ANOS1: variants seen among roughly 807,000 people sequenced by gnomAD.
ANOS1 encodes anosmin 1, also known as anosmin-1.
ANOS1 carries 6 observed loss-of-function variants against 59.0 expected under a neutral mutation model. The observed-to-expected ratio is 0.10, with a 90% confidence interval of 0.06 to 0.20. The LOEUF (loss-of-function observed/expected upper bound fraction) is 0.20, where lower values mean the gene tolerates loss of function less well. Among genes scored for constraint, ANOS1 ranks in the 10% least tolerant of loss-of-function variants. The probability of loss-of-function intolerance (pLI) is 1.00; values close to 1 mark genes in which losing one functional copy is unlikely to be tolerated. For missense variants in ANOS1, 433 were observed against 542.3 expected, an observed-to-expected ratio of 0.80 and a Z score of 2.00; for synonymous variants, 217 against 223.4, an observed-to-expected ratio of 0.97 and a Z score of 0.25.
At chrX:8,583,777 G>A (rs1930464358) in intron 6 of ANOS1, among the ~76,000 whole-genome samples, 1 of 112,201 alleles carries the variant, frequency 8.9e-6, no homozygotes, top group Admixed American at 9.4e-5. Flanking sequence ...AACTGCAATA[G>A]TTGCATTTTC....
intron 3 of ANOS1, among the ~76,000 whole-genome samples, chrX:8,619,070 C>CAGAA (rs1931228037): frequency 2.3e-5 from 1 of 43,976 alleles, no homozygotes; most frequent in Non-Finnish European, 4.0e-5. Context: ...AAACCTCTCT[C>CAGAA]AAAAAAAAAA....
At chrX:8,577,148 T>C (rs770626750) in intron 6 of ANOS1, among the ~76,000 whole-genome samples, 3 of 112,238 alleles carry the variant, frequency 2.7e-5, no homozygotes, top group African/African-American at 9.7e-5. Context: ...GTGAAACCAT[T>C]AGGTTTAGGA....
chrX:8,569,443 T>C (rs60729262), intron 7 of ANOS1, among the ~76,000 whole-genome samples: 18,992 of 111,206 alleles, frequency 0.17, 1,460 homozygotes, highest in Admixed American at 0.29. Flanking sequence ...GAGATAGAGA[T>C]CATCCTGGCT....
At chrX:8,667,195 G>A (rs147258450) in intron 2 of ANOS1, among the ~76,000 whole-genome samples, 2,032 of 111,556 alleles carry the variant, frequency 0.018, 29 homozygotes, top group Middle Eastern at 0.06. Context: ...TCTAAAAAGT[G>A]GAGGAATTGA....
intron 6 of ANOS1, among the ~76,000 whole-genome samples, chrX:8,572,641 T>C (rs1454101381): frequency 8.9e-6 from 1 of 111,971 alleles, no homozygotes; most frequent in African/African-American, 3.2e-5. Flanking sequence ...TTCCTTTGGG[T>C]ATATAACCAG....
Position 8,531,834 on chromosome X carries a change from G to A in ANOS1, c.*1161C>T, listed in dbSNP as rs772042156. ...ACAGTATTAAATTAAACTTCTCTGC[G>A]TTTTAGGTTGTTACAATATACACTG... On this transcript the variant is annotated 3_prime_UTR_variant, in exon 14 of 14. Transcript: ENST00000262648. 2.7e-5 allele frequency: 3 copies of A among 111,094 alleles called. No individual in the cohort carries two copies. The highest frequency in any genetic ancestry group is 6.5e-5 in the African/African-American group (2 of 30,584). The allele number at this position is 111,094 out of a possible 1,213,427, so 9.2% of individuals were successfully genotyped here.
intron 4 of ANOS1, among the ~76,000 whole-genome samples, chrX:8,592,650 G>C (rs12559345): frequency 1.8e-5 from 2 of 110,911 alleles, no homozygotes; most frequent in Non-Finnish European, 3.8e-5. Context: ...TAGACTTAGA[G>C]AGGAAATAGA....
At chrX:8,573,987 G>C (rs1247403252) in intron 6 of ANOS1, among the ~76,000 whole-genome samples, 1 of 111,472 alleles carries the variant, frequency 9.0e-6, no homozygotes, top group Non-Finnish European at 1.9e-5. Context: ...GCAGTCTGAT[G>C]ATTCTATACT....
chrX:8,617,059 T>C (rs1249132701), intron 3 of ANOS1, among the ~76,000 whole-genome samples: 1 of 112,510 alleles, frequency 8.9e-6, no homozygotes, highest in African/African-American at 3.2e-5. Flanking sequence ...TTCACAAGTA[T>C]ATTCTAATTG....
chrX:8,638,583 C>T (rs1181032802), intron 2 of ANOS1, among the ~76,000 whole-genome samples: 1 of 111,876 alleles, frequency 8.9e-6, no homozygotes, highest in Non-Finnish European at 1.9e-5. Flanking sequence ...GAGAACCTAA[C>T]CCAAGTGACA....
At chrX:8,705,309 A>C (rs1340552426) in intron 1 of ANOS1, among the ~76,000 whole-genome samples, 1 of 112,045 alleles carries the variant, frequency 8.9e-6, no homozygotes. Context: ...CCACAAGGAA[A>C]TTTTATATGC....
chrX:8,579,807 G>A (rs1488467199), intron 6 of ANOS1, among the ~76,000 whole-genome samples: 3 of 111,857 alleles, frequency 2.7e-5, no homozygotes, highest in African/African-American at 9.8e-5. Context: ...GAGTTCTGAG[G>A]TGTGTGTGCT....
At position 8,541,541 on chromosome X, in the gene ANOS1, G is replaced by A. The variant is rs183389908; in HGVS notation, c.1355-1783C>T. Among the ~76,000 whole-genome samples, 290 of 98,454 alleles carry A rather than the reference G, an allele frequency of 2.9e-3. 1 individual carries two copies. The highest frequency in any genetic ancestry group is 0.01 in the African/African-American group (276 of 26,845). 85.5% of individuals were successfully genotyped at this position (98,454 alleles called of 115,157 possible). ...TGGCGTGTGTTCAATTCTGAGTCAG[G>A]ACTTGAAGAAGGTGTAGCAGTGGGT... is the stretch of plus-strand genomic sequence containing the variant. On this transcript the variant is annotated intron_variant, in intron 9 of 13. Transcript: ENST00000262648.
At chrX:8,536,385 G>T (rs1417992513) in intron 11 of ANOS1, among the ~76,000 whole-genome samples, 1 of 108,932 alleles carries the variant, frequency 9.2e-6, no homozygotes, top group Non-Finnish European at 1.9e-5. Flanking sequence ...AGGGACATTG[G>T]CAAGGAGATG....
intron 2 of ANOS1, among the ~76,000 whole-genome samples, chrX:8,643,234 T>C: frequency 8.9e-6 from 1 of 111,979 alleles, no homozygotes; most frequent in South Asian, 3.7e-4. Context: ...AAAATAGAAG[T>C]GTTTGCAACT....
rs761676530 is a variant in ANOS1 at position 8,636,325 on chromosome X, A to G, written c.256-12655T>C. 2.6e-4 allele frequency among the ~76,000 whole-genome samples: 29 copies of G among 111,875 alleles called. No homozygotes were observed. The South Asian group carries it at 3.4e-3, about 13-fold the overall frequency. ...AATGACCTTACAAAATGCGGCATAC[A>G]TCACAGGAGGAATGGGATTTTGCTC... On this transcript the variant is annotated intron_variant, in intron 2 of 13. Transcript: ENST00000262648.
chrX:8,709,551 C>T (rs1294342419), intron 1 of ANOS1, among the ~76,000 whole-genome samples: 1 of 111,769 alleles, frequency 8.9e-6, no homozygotes, highest in Admixed American at 9.5e-5. Context: ...GATCACAGCT[C>T]ACTGCAACCT....
chrX:8,596,594 G>A (rs1021861607), intron 4 of ANOS1, among the ~76,000 whole-genome samples: 1 of 111,852 alleles, frequency 8.9e-6, no homozygotes, highest in Non-Finnish European at 1.9e-5. Context: ...TCTGTACAAC[G>A]ACACTAATGT....
chrX:8,662,154 C>T (rs1474348857), intron 2 of ANOS1, among the ~76,000 whole-genome samples: 1 of 111,692 alleles, frequency 9.0e-6, no homozygotes, highest in African/African-American at 3.3e-5. Context: ...TCACTCCCAG[C>T]TCTGCTCTTA....
Sources: gnomAD v4.1 joint callset for allele counts (sites outside exome capture counted in the v4.1 genomes callset) on GRCh38, gnomAD v4.1.1 for gene constraint, MANE v1.5 for transcripts, NCBI Gene and HGNC (gene_info 2026-07-23, HGNC 2026-07-21) for gene names.